MYT1L: variants seen among roughly 807,000 people sequenced by gnomAD.
MYT1L encodes the protein myelin transcription factor 1 like, also known as myelin transcription factor 1-like protein.
In MYT1L, 12 loss-of-function variants were observed where a neutral mutation model predicts 126.7. The ratio of observed to expected loss-of-function variants is 0.09; its 90% confidence interval spans 0.06 to 0.15. The LOEUF (loss-of-function observed/expected upper bound fraction) is 0.15, where lower values mean the gene tolerates loss of function less well. MYT1L is among the 10% of genes least tolerant of loss of function. The pLI, the probability that MYT1L is intolerant of heterozygous loss-of-function variation, is 1.00. For synonymous variants in MYT1L, 541 were observed against 604.2 expected (o/e 0.90, Z 1.53); for missense variants, 979 against 1,585.2 (o/e 0.62, Z 6.49).
chr2:2,237,037 C>T (rs919489934), intron 2 of MYT1L, among the ~76,000 whole-genome samples: 33 of 152,240 alleles, frequency 2.2e-4, no homozygotes, highest in African/African-American at 6.5e-4. Flanking sequence ...TGGTCTCGAA[C>T]TCCCGACCTC....
At chr2:1,839,834 G>GT (rs2041420319) in intron 20 of MYT1L, among the ~76,000 whole-genome samples, 1 of 152,236 alleles carries the variant, frequency 6.6e-6, no homozygotes, top group Non-Finnish European at 1.5e-5. Flanking sequence ...TTGTCTGGCC[G>GT]TATCTTCTGG....
chr2:1,812,954 C>T (rs1277160450), intron 21 of MYT1L, among the ~76,000 whole-genome samples: 1 of 151,536 alleles, frequency 6.6e-6, no homozygotes, highest in African/African-American at 2.4e-5. Flanking sequence ...GGGGTGAGGG[C>T]CTCCTGCAGA....
intron 2 of MYT1L, among the ~76,000 whole-genome samples, chr2:2,265,773 G>A (rs955590540): frequency 1.3e-5 from 2 of 152,118 alleles, no homozygotes; most frequent in East Asian, 1.9e-4. Context: ...AGAAGTTCAC[G>A]GTACATAGCA....
intron 2 of MYT1L, among the ~76,000 whole-genome samples, chr2:2,206,624 GAA>G (rs1366536352): frequency 6.6e-6 from 1 of 152,204 alleles, no homozygotes; most frequent in African/African-American, 2.4e-5. Flanking sequence ...ATGCATAAGA[GAA>G]AAGAGGAGCA....
chr2:1,906,952 T>TA (rs903471807), intron 13 of MYT1L, among the ~76,000 whole-genome samples: 9 of 150,116 alleles, frequency 6.0e-5, no homozygotes, highest in African/African-American at 1.5e-4. Context: ...TAAAAAATAA[T>TA]AAAAAAAATA....
intron 21 of MYT1L, among the ~76,000 whole-genome samples, chr2:1,817,890 G>GTGC (rs1213660190): frequency 6.6e-6 from 1 of 152,202 alleles, no homozygotes; most frequent in Non-Finnish European, 1.5e-5. Flanking sequence ...TTAAAGTCAA[G>GTGC]TGCTGCTGAG....
chr2:2,001,911 G>A (rs919138068), intron 4 of MYT1L, among the ~76,000 whole-genome samples: 1 of 152,108 alleles, frequency 6.6e-6, no homozygotes, highest in African/African-American at 2.4e-5. Flanking sequence ...CAGAGGTGGG[G>A]GGGTCACCTT....
intron 21 of MYT1L, among the ~76,000 whole-genome samples, chr2:1,818,097 C>G (rs2148107800): frequency 6.6e-6 from 1 of 152,314 alleles, no homozygotes. Context: ...CATTTTTTAT[C>G]AGGACATCAG....
chr2:2,285,770 C>T (rs1004831660), intron 1 of MYT1L, among the ~76,000 whole-genome samples: 18 of 152,294 alleles, frequency 1.2e-4, no homozygotes, highest in African/African-American at 4.1e-4. Context: ...GGTTCAGTAT[C>T]TCTCTTAATC....
intron 2 of MYT1L, among the ~76,000 whole-genome samples, chr2:2,250,747 T>C (rs935062605): frequency 6.6e-6 from 1 of 152,110 alleles, no homozygotes; most frequent in African/African-American, 2.4e-5. Flanking sequence ...ATTGCATGCC[T>C]GTACCAAAAT....
intron 5 of MYT1L, among the ~76,000 whole-genome samples, chr2:1,992,292 C>T (rs1273070690): frequency 2.0e-5 from 3 of 152,160 alleles, no homozygotes; most frequent in African/African-American, 7.2e-5. Flanking sequence ...TAATACTTGG[C>T]TAGTTTTTCC....
intron 4 of MYT1L, among the ~76,000 whole-genome samples, chr2:2,044,998 A>C (rs200971252): frequency 1.3e-5 from 2 of 152,194 alleles, no homozygotes; most frequent in East Asian, 3.9e-4. Flanking sequence ...TAAACATGTG[A>C]GTTCAGAACC....
intron 2 of MYT1L, among the ~76,000 whole-genome samples, chr2:2,271,300 G>A (rs1184224391): frequency 6.6e-6 from 1 of 152,188 alleles, no homozygotes; most frequent in Non-Finnish European, 1.5e-5. Flanking sequence ...CCTGAGGAAG[G>A]CTTTATGGAG....
chr2:2,317,850 G>A (rs561845682), intron 1 of MYT1L, among the ~76,000 whole-genome samples: 23 of 152,146 alleles, frequency 1.5e-4, no homozygotes, highest in African/African-American at 4.6e-4. Flanking sequence ...CCTCCTGACC[G>A]TGCCCTTAGT....
chr2:1,966,960 AGATGTGTT>A (rs1244869405), intron 8 of MYT1L, among the ~76,000 whole-genome samples: 3 of 152,136 alleles, frequency 2.0e-5, no homozygotes, highest in Non-Finnish European at 2.9e-5. Flanking sequence ...CTTTTTAGCT[AGATGTGTT>A]GATACTGGGA....
intron 3 of MYT1L, among the ~76,000 whole-genome samples, chr2:2,120,314 AT>A (rs1362876253): frequency 3.9e-5 from 6 of 152,078 alleles, no homozygotes; most frequent in Non-Finnish European, 8.8e-5. Flanking sequence ...AAAGCTGGGG[AT>A]GAACGTCATC....
At chr2:1,900,688 C>T (rs1479270285) in intron 14 of MYT1L, among the ~76,000 whole-genome samples, 5 of 152,186 alleles carry the variant, frequency 3.3e-5, no homozygotes, top group Non-Finnish European at 7.3e-5. Flanking sequence ...ACAATACATC[C>T]GTGTAACACT....
intron 8 of MYT1L, among the ~76,000 whole-genome samples, chr2:1,966,886 G>A (rs566277605): frequency 5.3e-5 from 8 of 152,118 alleles, no homozygotes; most frequent in Admixed American, 1.3e-4. Flanking sequence ...TCTAGCAGTG[G>A]TTACCAATGC....
At position 1,922,705 on chromosome 2, in the gene MYT1L, A is replaced by G. The variant is rs2053724372; in HGVS notation, c.1064T>C (p.Met355Thr). The G allele has an allele frequency of 6.2e-7, 1 of 1,613,780 alleles. No individual in the cohort carries two copies. The highest frequency in any genetic ancestry group is 1.3e-5 in the African/African-American group (1 of 74,954). ...NPQERNPQQN[M>T]NIRQHVRPEE... is the part of the protein sequence containing the mutation. ...TGGCCGGACATGCTGACGGATGTTC[A>G]TGTTCTGCTGCGGATTCCTCTCCTG... The change falls in exon 10 of 25, where the codon ATG becomes ACG. Residue 355 changes from methionine (M) to threonine (T), a missense_variant. Met to Thr is a moderately conservative substitution (Grantham distance 81). Transcript: ENST00000647738. This position sits in a 1 kb window ranked among gnomAD's most constrained non-coding sequence, Gnocchi z 7.4.
Sources: gnomAD v4.1 joint callset for allele counts (sites outside exome capture counted in the v4.1 genomes callset) on GRCh38, gnomAD v4.1.1 for gene constraint, Gnocchi (gnomAD v3.1) non-coding constraint, MANE v1.5 for transcripts, NCBI Gene and HGNC (gene_info 2026-07-23, HGNC 2026-07-21) for gene names.